The following DNAJB1 variants were observed in gnomAD, a reference collection of about 807,000 sequenced individuals.
The protein encoded by DNAJB1 is DnaJ heat shock protein family (Hsp40) member B1, also known as dnaJ homolog subfamily B member 1.
DNAJB1 carries 14 observed loss-of-function variants against 24.0 expected under a neutral mutation model. The ratio of observed to expected loss-of-function variants is 0.58; its 90% CI spans 0.39 to 0.91. The LOEUF is 0.91. Ranked by LOEUF, DNAJB1 falls within the 40% of genes least tolerant of loss-of-function variation. DNAJB1 has a pLI of 0.00. For synonymous variants in DNAJB1, 262 were observed against 174.4 expected (o/e 1.50, Z -3.96); for missense variants, 517 against 458.1 (o/e 1.13, Z -1.17).
chr19:14,535,043 G>T (rs1330561683), intron 1 of DNAJB1, among the ~76,000 whole-genome samples: 1 of 152,082 alleles, frequency 6.6e-6, no homozygotes, highest in Non-Finnish European at 1.5e-5. Context: ...CCTAAAATCG[G>T]ATGGGCTGCC....
At chr19:14,528,335 G>T (rs1366384056) in intron 1 of DNAJB1, among the ~76,000 whole-genome samples, 2 of 151,526 alleles carry the variant, frequency 1.3e-5, no homozygotes, top group African/African-American at 2.4e-5. Context: ...CGCCTCCCGG[G>T]TTCAAGCAAT....
rs769066386 is a variant in DNAJB1, at chr19:14,518,136, C to G, written c.211+3G>C. ...GGCCGCGCCCCTGGCCGCGAGCACA[C>G]ACCTTCCTCCCCGTAGCGGTCGAAG... On this transcript the variant is annotated splice_donor_region_variant and intron_variant, in intron 1 of 2. Coordinates refer to ENST00000254322, the MANE Select transcript of DNAJB1 (RefSeq NM_006145.3). 2 of 1,537,822 alleles carry G rather than the reference C, an allele frequency of 1.3e-6. No homozygotes were observed. Among genetic ancestry groups the G allele is most frequent in the African/African-American group, 1.4e-5 (1 of 71,072 alleles).
intron 1 of DNAJB1, among the ~76,000 whole-genome samples, chr19:14,543,413 ATATATATTTTTTTTTTTTTTTTTTTTTTT>A (rs1227341599): frequency 2.0e-3 from 19 of 9,544 alleles, no homozygotes; most frequent in Non-Finnish European, 4.0e-3. Flanking sequence ...ATATATATAT[ATATATATTTTTTTTTTTTTTTTTTTTTTT>A]TTTTTTTTTT....
chr19:14,548,577 G>A (rs115347106), intron 1 of DNAJB1, among the ~76,000 whole-genome samples: 28,799 of 152,048 alleles, frequency 0.19, 3,341 homozygotes, highest in South Asian at 0.42. Flanking sequence ...CATCTCTGTC[G>A]TCTCTTTTTT....
intron 1 of DNAJB1, chr19:14,545,057 C>A: frequency 2.2e-6 from 1 of 456,504 alleles, no homozygotes; most frequent in Non-Finnish European, 4.4e-6. Flanking sequence ...TGTTTCTAAG[C>A]CTCTCACCAC....
chr19:14,533,102 ACT>A (rs1188293197), upstream of DNAJB1, among the ~76,000 whole-genome samples: 2 of 141,466 alleles, frequency 1.4e-5, no homozygotes, highest in South Asian at 2.2e-4. Flanking sequence ...ACAGAGCGAG[ACT>A]CTGTTTTAAA....
intron 1 of DNAJB1, among the ~76,000 whole-genome samples, chr19:14,549,954 T>TAA (rs201560790): frequency 6.6e-6 from 1 of 150,544 alleles, no homozygotes; most frequent in African/African-American, 2.4e-5. Flanking sequence ...AAAAAAAAAA[T>TAA]AAAAAAAATA....
intron 1 of DNAJB1, among the ~76,000 whole-genome samples, chr19:14,528,732 G>A (rs951361505): frequency 1.1e-3 from 170 of 151,962 alleles, no homozygotes; most frequent in African/African-American, 3.5e-3. Flanking sequence ...CTGAGGTCAG[G>A]AGTTCAAGAC....
upstream of DNAJB1, among the ~76,000 whole-genome samples, chr19:14,532,887 A>C (rs1599407931): frequency 6.6e-6 from 1 of 152,110 alleles, no homozygotes; most frequent in East Asian, 1.9e-4. Flanking sequence ...AGACGGGTGA[A>C]TCACTTGAAG....
At chr19:14,528,333 G>T (rs999385618) in intron 1 of DNAJB1, among the ~76,000 whole-genome samples, 1 of 150,464 alleles carries the variant, frequency 6.6e-6, no homozygotes, top group Non-Finnish European at 1.5e-5. Context: ...TCCGCCTCCC[G>T]GGTTCAAGCA....
intron 1 of DNAJB1, among the ~76,000 whole-genome samples, chr19:14,558,081 C>G (rs2073794093): frequency 6.6e-6 from 1 of 152,140 alleles, no homozygotes; most frequent in Non-Finnish European, 1.5e-5. Flanking sequence ...AAGATTTATC[C>G]TAAACTGGGG....
chr19:14,519,635 G>C (rs2146527068), upstream of DNAJB1, among the ~76,000 whole-genome samples: 1 of 152,314 alleles, frequency 6.6e-6, no homozygotes, highest in African/African-American at 2.4e-5. Context: ...CTCCCAGTCT[G>C]ACATCGCCAC....
intron 1 of DNAJB1, among the ~76,000 whole-genome samples, chr19:14,549,940 C>A (rs1388575110): frequency 6.6e-6 from 1 of 150,822 alleles, no homozygotes; most frequent in Non-Finnish European, 1.5e-5. Context: ...GAGACTCTGT[C>A]TCAAAAAAAA....
intron 1 of DNAJB1, among the ~76,000 whole-genome samples, chr19:14,558,982 CG>C (rs1345562517): frequency 6.6e-6 from 1 of 151,572 alleles, no homozygotes; most frequent in Non-Finnish European, 1.5e-5. Context: ...CCTGGGCAGG[CG>C]TGTGTGTGTG....
upstream of DNAJB1, among the ~76,000 whole-genome samples, chr19:14,521,957 GT>G: frequency 6.6e-6 from 1 of 151,426 alleles, no homozygotes; most frequent in East Asian, 1.9e-4. Flanking sequence ...TTTTTAATCA[GT>G]TCTAGGAGCC....
At chr19:14,519,048 CAT>C (rs1281003924), upstream of DNAJB1, among the ~76,000 whole-genome samples, 2 of 152,320 alleles carry the variant, frequency 1.3e-5, no homozygotes, top group East Asian at 3.9e-4. Context: ...GCCTAGGCAA[CAT>C]AAGGAGACTC....
intron 1 of DNAJB1, among the ~76,000 whole-genome samples, chr19:14,541,378 T>C (rs2098699861): frequency 6.6e-6 from 1 of 152,094 alleles, no homozygotes; most frequent in Non-Finnish European, 1.5e-5. Flanking sequence ...ACAGCGGCCC[T>C]TCTGAGATGG....
At chr19:14,529,612 G>A (rs1292729144), upstream of DNAJB1, 1 of 1,602,392 alleles carries the variant, frequency 6.2e-7, no homozygotes, top group Non-Finnish European at 8.5e-7. Context: ...TATCGCTGCG[G>A]TTGCGAGCGC....
upstream of DNAJB1, among the ~76,000 whole-genome samples, chr19:14,534,307 G>A (rs1271760809): frequency 2.0e-5 from 3 of 146,704 alleles, no homozygotes; most frequent in African/African-American, 7.6e-5. Flanking sequence ...TGTATTTTTA[G>A]TAGAGATGAG....
Sources: gnomAD v4.1 joint callset for allele counts (sites outside exome capture counted in the v4.1 genomes callset) on GRCh38, gnomAD v4.1.1 for gene constraint, MANE v1.5 for transcripts, NCBI Gene and HGNC (gene_info 2026-07-23, HGNC 2026-07-21) for gene names.